Variants in PPP3CA observed in about 807,000 individuals in gnomAD.
PPP3CA encodes CAM-PRP catalytic subunit.
PPP3CA carries 14 observed loss-of-function variants against 66.5 expected under a neutral mutation model. That is an observed-to-expected ratio of 0.21 (90% confidence interval 0.14 to 0.33). The LOEUF (loss-of-function observed/expected upper bound fraction) is 0.33. Among genes scored for constraint, PPP3CA ranks in the 10% least tolerant of loss-of-function variants. The probability of loss-of-function intolerance (pLI) is 1.00; values close to 1 mark genes in which losing one functional copy is unlikely to be tolerated. For synonymous variants in PPP3CA, 232 were observed against 226.2 expected (o/e 1.03, Z -0.23); for missense variants, 317 against 639.5 (o/e 0.50, Z 5.44).
chr4:101,276,478 C>T (rs1031088874), intron 1 of PPP3CA, among the ~76,000 whole-genome samples: 1 of 152,094 alleles, frequency 6.6e-6, no homozygotes, highest in African/African-American at 2.4e-5. Context: ...TCCTCTTATG[C>T]CTTCTCAAAC....
intron 1 of PPP3CA, among the ~76,000 whole-genome samples, chr4:101,269,394 C>G (rs1727263770): frequency 6.6e-6 from 1 of 151,862 alleles, no homozygotes; most frequent in African/African-American, 2.4e-5. Context: ...GGCCCCCAAA[C>G]TACCTTTTTA....
At chr4:101,244,115 G>A (rs543793310) in intron 1 of PPP3CA, among the ~76,000 whole-genome samples, 1 of 152,196 alleles carries the variant, frequency 6.6e-6, no homozygotes, top group African/African-American at 2.4e-5. Context: ...ACCATGAAAG[G>A]AATATAGTAG....
chr4:101,240,187 G>A (rs1726261692), intron 1 of PPP3CA, among the ~76,000 whole-genome samples: 1 of 151,834 alleles, frequency 6.6e-6, no homozygotes, highest in African/African-American at 2.4e-5. Context: ...GTACACACAG[G>A]AACAAAACAA....
chr4:101,054,105 T>C (rs1034638200), intron 10 of PPP3CA, among the ~76,000 whole-genome samples: 1 of 152,056 alleles, frequency 6.6e-6, no homozygotes, highest in African/African-American at 2.4e-5. Flanking sequence ...TATTTTCTTT[T>C]GTATATCTAA....
chr4:101,130,795 A>T (rs182665771), intron 2 of PPP3CA, among the ~76,000 whole-genome samples: 5 of 152,290 alleles, frequency 3.3e-5, no homozygotes, highest in African/African-American at 1.2e-4. Context: ...ACAAACCAAA[A>T]TGTAAAGTCT....
At chr4:101,333,630 C>T (rs954350236) in intron 1 of PPP3CA, among the ~76,000 whole-genome samples, 1 of 152,046 alleles carries the variant, frequency 6.6e-6, no homozygotes, top group South Asian at 2.1e-4. Flanking sequence ...AATGGTCTGC[C>T]TCTTGTCTTT....
intron 1 of PPP3CA, among the ~76,000 whole-genome samples, chr4:101,320,916 A>G (rs1196069942): frequency 6.6e-6 from 1 of 152,172 alleles, no homozygotes; most frequent in East Asian, 1.9e-4. Flanking sequence ...GATCTACAAG[A>G]TGGGTATTGT....
chr4:101,108,696 G>T (rs1721531972), intron 3 of PPP3CA, among the ~76,000 whole-genome samples: 1 of 152,158 alleles, frequency 6.6e-6, no homozygotes, highest in Non-Finnish European at 1.5e-5. Context: ...AACCCAGAAG[G>T]CAGAGGTTCT....
intron 1 of PPP3CA, among the ~76,000 whole-genome samples, chr4:101,219,784 T>G (rs1046252643): frequency 7.9e-5 from 12 of 151,932 alleles, no homozygotes; most frequent in African/African-American, 2.6e-4. Context: ...GCAGACTGAT[T>G]TTCTAAAAGT....
intron 1 of PPP3CA, among the ~76,000 whole-genome samples, chr4:101,301,450 AATTTATATATTATATATATTAT>A (rs1728373048): frequency 6.8e-6 from 1 of 147,068 alleles, no homozygotes; most frequent in Admixed American, 6.8e-5. Flanking sequence ...TTATATATTA[AATTTATATATTATATATATTAT>A]ATTTATATAT....
chr4:101,339,802 T>G (rs147937241), intron 1 of PPP3CA, among the ~76,000 whole-genome samples: 6 of 152,294 alleles, frequency 3.9e-5, no homozygotes, highest in African/African-American at 1.4e-4. Context: ...TATTAACAAT[T>G]TTATGCAACT....
At chr4:101,077,727 G>C (rs754644058) in intron 8 of PPP3CA, among the ~76,000 whole-genome samples, 3 of 151,782 alleles carry the variant, frequency 2.0e-5, no homozygotes, top group Non-Finnish European at 4.4e-5. Context: ...AAATGAAACA[G>C]TTCTACTCCC....
In PPP3CA at chr4:101,324,141, GAAGGA is replaced by G. The variant is rs1162640070; in HGVS notation, c.58+22593_58+22597del. Among the ~76,000 whole-genome samples, 29 of 119,696 alleles carry G rather than the reference GAAGGA, an allele frequency of 2.4e-4. 1 individual carries two copies. The highest frequency in any genetic ancestry group is 2.3e-3 in the East Asian group (10 of 4,268). The allele number at this position is 119,696 out of a possible 152,430, so 78.5% of individuals were successfully genotyped here. On this transcript the variant is annotated intron_variant, in intron 1 of 13. Coordinates refer to ENST00000394854, the MANE Select transcript of PPP3CA (RefSeq NM_000944.5). ...AGAAAAGAAAGGAAGGGAAGGAAGG[GAAGGA>G]AGGGAGGGAGGAAGGAAGGAAGGAA...
chr4:101,229,253 A>ACACC (rs1369571611), intron 1 of PPP3CA, among the ~76,000 whole-genome samples: 2 of 151,124 alleles, frequency 1.3e-5, no homozygotes, highest in Non-Finnish European at 3.0e-5. Context: ...ACACACACAC[A>ACACC]CCAAACTACA....
chr4:101,262,601 G>C (rs1437364862), intron 1 of PPP3CA, among the ~76,000 whole-genome samples: 1 of 152,168 alleles, frequency 6.6e-6, no homozygotes, highest in African/African-American at 2.4e-5. Flanking sequence ...AAATGAGATA[G>C]AGGCAGGTAA....
chr4:101,081,761 C>T (rs1729449141), intron 7 of PPP3CA, among the ~76,000 whole-genome samples: 1 of 152,048 alleles, frequency 6.6e-6, no homozygotes, highest in Non-Finnish European at 1.5e-5. Flanking sequence ...CTTGGTCATA[C>T]TATAAAAGAA....
intron 2 of PPP3CA, among the ~76,000 whole-genome samples, chr4:101,173,633 G>A (rs997780517): frequency 9.2e-5 from 14 of 152,158 alleles, no homozygotes; most frequent in African/African-American, 2.6e-4. Flanking sequence ...TTAAATAACA[G>A]TTTAGCAAAG....
At chr4:101,194,000 A>C (rs940474349) in intron 2 of PPP3CA, among the ~76,000 whole-genome samples, 2 of 152,168 alleles carry the variant, frequency 1.3e-5, no homozygotes, top group Admixed American at 6.6e-5. Context: ...AATATTGATC[A>C]CTTCTTTTGA....
rs3077992 is a variant in PPP3CA, at chr4:101,278,122, T to TAA, written c.58+68615_58+68616dup. Among the ~76,000 whole-genome samples the TAA allele has an allele frequency of 1.6e-3, 179 of 112,120 alleles. 6 individuals are homozygous for TAA. The highest frequency in any genetic ancestry group is 8.7e-3 in the Middle Eastern group (2 of 230). 73.6% of individuals were successfully genotyped at this position (112,120 alleles called of 152,430 possible). A position where few individuals can be genotyped will look rare whatever the true frequency, so the allele number is the denominator to read the frequency against. ...AAAATGAAACTTTAAAAGCTATTAG[T>TAA]AAAAAAAAAAAAAAAAATAAAAAAA... On this transcript the variant is annotated intron_variant, in intron 1 of 13. Coordinates refer to ENST00000394854, the MANE Select transcript of PPP3CA (RefSeq NM_000944.5).
Sources: allele counts gnomAD v4.1 joint callset (sites outside exome capture counted in the v4.1 genomes callset), GRCh38; gene constraint gnomAD v4.1.1; transcripts MANE v1.5; gene names NCBI Gene and HGNC (gene_info 2026-07-23, HGNC 2026-07-21).